Variants in CNTNAP2 observed in about 807,000 individuals in gnomAD.
CNTNAP2 encodes the protein contactin-associated protein-like 2.
In CNTNAP2, 98 loss-of-function variants were observed where a neutral mutation model predicts 155.2. That is an observed-to-expected ratio of 0.63 (90% CI 0.54 to 0.75). CNTNAP2 has a LOEUF of 0.75. Ranked by LOEUF, CNTNAP2 falls within the 30% of genes least tolerant of loss-of-function variation. The pLI is 0.00. For synonymous variants in CNTNAP2, 651 were observed against 631.2 expected (o/e 1.03, Z -0.47); for missense variants, 1,727 against 1,688.1 (o/e 1.02, Z -0.40).
intron 15 of CNTNAP2, among the ~76,000 whole-genome samples, chr7:148,008,324 A>G (rs1802015509): frequency 6.6e-6 from 1 of 152,218 alleles, no homozygotes; most frequent in East Asian, 1.9e-4. Context: ...GTGAGTGGAG[A>G]TCACGCCACT....
At chr7:148,174,426 C>G (rs868078093) in intron 18 of CNTNAP2, among the ~76,000 whole-genome samples, 2 of 152,136 alleles carry the variant, frequency 1.3e-5, no homozygotes, top group South Asian at 2.1e-4. Context: ...GACCGCCCCC[C>G]ACCTCAGGCT....
chr7:147,879,437 C>G (rs1799481915), intron 13 of CNTNAP2, among the ~76,000 whole-genome samples: 1 of 152,002 alleles, frequency 6.6e-6, no homozygotes, highest in Non-Finnish European at 1.5e-5. Context: ...TTTATTACAG[C>G]TTACTAATTC....
intron 1 of CNTNAP2, among the ~76,000 whole-genome samples, chr7:146,647,664 A>C (rs1324992892): frequency 6.6e-6 from 1 of 152,110 alleles, no homozygotes; most frequent in African/African-American, 2.4e-5. Flanking sequence ...GAAAAGAAAA[A>C]CATAAGGTCT....
rs1795433837 is a variant in CNTNAP2 at position 147,325,307 on chromosome 7, C to A, written c.1498+25017C>A. 2.0e-5 allele frequency among the ~76,000 whole-genome samples: 3 copies of A among 151,880 alleles called. No homozygotes were observed. The South Asian group carries it at 6.2e-4, about 32-fold the overall frequency. On this transcript the variant is annotated intron_variant, in intron 9 of 23. Coordinates refer to ENST00000361727, the MANE Select transcript of CNTNAP2 (RefSeq NM_014141.6). Reference sequence around the variant, plus strand: ...GAGACAGGGCAAGACTCCATCTCAACAACAACAACAACAACAAAAATTAGA... The same window carrying A: ...GAGACAGGGCAAGACTCCATCTCAAAAACAACAACAACAACAAAAATTAGA...
intron 1 of CNTNAP2, among the ~76,000 whole-genome samples, chr7:146,437,596 G>A (rs1318815488): frequency 6.6e-6 from 1 of 151,426 alleles, no homozygotes; most frequent in Admixed American, 6.6e-5. Context: ...ATTTAAACCA[G>A]TATTTCTCAA....
rs569478937 is a variant in CNTNAP2 at position 146,842,771 on chromosome 7, C to A, written c.402+2867C>A. 1.1e-3 allele frequency among the ~76,000 whole-genome samples: 172 copies of A among 151,986 alleles called. 1 individual carries two copies. Among genetic ancestry groups the A allele is most frequent in the Non-Finnish European group, 1.9e-3 (128 of 67,990 alleles). ...CGCGATCTCGGCTCACTGCAAGCTCCGCCTCCCGGTTTCACGCCATTCTCC... is the reference window on the plus strand; with the variant it reads ...CGCGATCTCGGCTCACTGCAAGCTCAGCCTCCCGGTTTCACGCCATTCTCC... On this transcript the variant is annotated intron_variant, in intron 3 of 23. Coordinates refer to ENST00000361727, the MANE Select transcript of CNTNAP2 (RefSeq NM_014141.6).
chr7:147,478,445 G>T (rs576378330), intron 10 of CNTNAP2, among the ~76,000 whole-genome samples: 129 of 152,252 alleles, frequency 8.5e-4, no homozygotes, highest in African/African-American at 3.0e-3. Context: ...GAGCCACAGT[G>T]CCTGGCCTAT....
At chr7:146,937,978 G>A (rs1219854244) in intron 3 of CNTNAP2, among the ~76,000 whole-genome samples, 1 of 152,132 alleles carries the variant, frequency 6.6e-6, no homozygotes. Flanking sequence ...AGTTGAGACT[G>A]TATTTTTCTT....
At chr7:147,684,903 CA>C (rs1452580107) in intron 13 of CNTNAP2, among the ~76,000 whole-genome samples, 1 of 151,826 alleles carries the variant, frequency 6.6e-6, no homozygotes, top group Non-Finnish European at 1.5e-5. Flanking sequence ...GAGCACAAAG[CA>C]TTTGAATTTG....
At chr7:148,053,740 ATAT>A (rs1802936517) in intron 15 of CNTNAP2, among the ~76,000 whole-genome samples, 1 of 152,186 alleles carries the variant, frequency 6.6e-6, no homozygotes, top group African/African-American at 2.4e-5. Context: ...ATTATTTATA[ATAT>A]TATGATTATG....
At chr7:147,651,087 A>G (rs909874056) in intron 13 of CNTNAP2, among the ~76,000 whole-genome samples, 1 of 152,138 alleles carries the variant, frequency 6.6e-6, no homozygotes. Context: ...CTGGGATATC[A>G]GTTCAGGTTC....
At chr7:146,435,498 C>G (rs1156658239) in intron 1 of CNTNAP2, among the ~76,000 whole-genome samples, 1 of 152,170 alleles carries the variant, frequency 6.6e-6, no homozygotes, top group Non-Finnish European at 1.5e-5. Context: ...ATCAGTTAGA[C>G]TTGACATCTA....
chr7:146,526,039 A>G (rs17170127), intron 1 of CNTNAP2, among the ~76,000 whole-genome samples: 10,334 of 152,172 alleles, frequency 0.068, 879 homozygotes, highest in African/African-American at 0.2. Context: ...TAATTGAGTG[A>G]AGCTTTTTTT....
chr7:146,259,478 C>A (rs1412253715), intron 1 of CNTNAP2, among the ~76,000 whole-genome samples: 1 of 152,072 alleles, frequency 6.6e-6, no homozygotes, highest in Non-Finnish European at 1.5e-5. Context: ...AAGTCCAGGC[C>A]TTGGTAGTCA....
intron 21 of CNTNAP2, among the ~76,000 whole-genome samples, chr7:148,271,702 G>T (rs2116847104): frequency 6.6e-6 from 1 of 152,240 alleles, no homozygotes; most frequent in South Asian, 2.1e-4. Flanking sequence ...CTAATCACTG[G>T]CCACCCCTTC....
chr7:146,127,164 A>T (rs1412497081), intron 1 of CNTNAP2, among the ~76,000 whole-genome samples: 1 of 152,078 alleles, frequency 6.6e-6, no homozygotes, highest in Non-Finnish European at 1.5e-5. Context: ...TTCGAATCAT[A>T]TTTCTCTTAT....
intron 11 of CNTNAP2, among the ~76,000 whole-genome samples, chr7:147,498,172 A>T (rs1259554211): frequency 3.1e-5 from 1 of 32,302 alleles, no homozygotes; most frequent in Admixed American, 3.4e-4. Flanking sequence ...AAGCTATGAT[A>T]AAAAAAAAAA....
intron 1 of CNTNAP2, among the ~76,000 whole-genome samples, chr7:146,564,815 T>C (rs1798332528): frequency 6.6e-6 from 1 of 151,870 alleles, no homozygotes; most frequent in Non-Finnish European, 1.5e-5. Flanking sequence ...TTATAGTACT[T>C]AGTAGTTTAC....
chr7:146,460,188 G>A (rs1279282582), intron 1 of CNTNAP2, among the ~76,000 whole-genome samples: 1 of 152,270 alleles, frequency 6.6e-6, no homozygotes, highest in South Asian at 2.1e-4. Flanking sequence ...AAATTGTCAG[G>A]AGAATGAAGT....
Sources: gnomAD v4.1 joint callset for allele counts (sites outside exome capture counted in the v4.1 genomes callset) on GRCh38, gnomAD v4.1.1 for gene constraint, MANE v1.5 for transcripts, NCBI Gene and HGNC (gene_info 2026-07-23, HGNC 2026-07-21) for gene names.